The following BPTF variants were observed in gnomAD, a reference collection of about 807,000 sequenced individuals.
The protein encoded by BPTF is nucleosome-remodeling factor subunit BPTF.
In BPTF, 18 loss-of-function variants were observed where a neutral mutation model predicts 292.5. The observed-to-expected ratio is 0.06, with a 90% CI of 0.04 to 0.09. The LOEUF (loss-of-function observed/expected upper bound fraction) is 0.09, where lower values mean the gene tolerates loss of function less well. BPTF is among the 10% of genes least tolerant of loss of function. BPTF has a pLI of 1.00. For synonymous variants in BPTF, 1,225 were observed against 1,251.9 expected, an observed-to-expected ratio of 0.98 and a Z score of 0.45; for missense variants, 2,726 against 3,498.7, an observed-to-expected ratio of 0.78 and a Z score of 5.57.
intron 2 of BPTF, among the ~76,000 whole-genome samples, chr17:67,865,825 C>G (rs1232701729): frequency 6.6e-6 from 1 of 152,180 alleles, no homozygotes; most frequent in African/African-American, 2.4e-5. Context: ...GGAGAGGAAG[C>G]TCCTCTTCTC....
rs1203186133 is a variant in BPTF, at chr17:67,911,285, A to G, written c.3401A>G (p.Glu1134Gly). Residue 1134 changes from glutamate (E) to glycine (G), a missense_variant, in exon 11 of 28, where the codon GAG becomes GGG. Around this residue, in one of 22 missense-constraint regions of BPTF, gnomAD observed 713 missense variants for 714.9 expected, o/e 1.00. Transcript: ENST00000306378. The stretch of plus-strand genomic sequence containing the variant: ...CCAAATGCAAATAATGATCAACCTG[A>G]GGACTTGATTCAGGGATGTTCAGAA... ...QSPNANNDQP[E>G]DLIQGCSESD... 6.2e-7 allele frequency: 1 copy of G among 1,614,132 alleles called. No homozygotes were observed. Among genetic ancestry groups the G allele is most frequent in the South Asian group, 1.1e-5 (1 of 91,082 alleles).
intron 1 of BPTF, among the ~76,000 whole-genome samples, chr17:67,850,667 C>T (rs2058338715): frequency 6.6e-6 from 1 of 152,026 alleles, no homozygotes; most frequent in Non-Finnish European, 1.5e-5. Flanking sequence ...GTACCTGGCC[C>T]TGTGTTTTTG....
Position 67,983,721 on chromosome 17 carries a change from G to A in BPTF, c.*1433G>A, listed in dbSNP as rs1555697927. 2 of 152,552 alleles carry A rather than the reference G, an allele frequency of 1.3e-5. No individual in the cohort carries two copies. Among genetic ancestry groups the A allele is most frequent in the African/African-American group, 4.8e-5 (2 of 41,438 alleles). 9.4% of individuals were successfully genotyped at this position (152,552 alleles called of 1,614,324 possible). On this transcript the variant is annotated 3_prime_UTR_variant, in exon 28 of 28. Coordinates refer to ENST00000306378, the MANE Select transcript of BPTF (RefSeq NM_182641.4). The stretch of plus-strand genomic sequence containing the variant: ...TGCAGCTTTGCAAAAATTTTTACTA[G>A]ATTTTGCACTAACTCATATTAGCTT...
intron 23 of BPTF, 51 bp downstream of exon 23, chr17:67,948,357 T>C: frequency 6.8e-7 from 1 of 1,480,362 alleles, no homozygotes; most frequent in Non-Finnish European, 9.1e-7. Context: ...CATCTGAGGT[T>C]CTGCTTTTTT....
At chr17:67,972,925 C>T (rs2068925999) in intron 26 of BPTF, among the ~76,000 whole-genome samples, 1 of 151,438 alleles carries the variant, frequency 6.6e-6, no homozygotes, top group Non-Finnish European at 1.5e-5. Context: ...TCTTGGAATC[C>T]AACTCTGTGT....
In BPTF at chr17:67,947,773, G is replaced by C. The variant is rs750327227; in HGVS notation, c.7665G>C (p.Lys2555Asn). 6.4e-7 allele frequency: 1 copy of C among 1,553,982 alleles called. No homozygotes were observed. Among genetic ancestry groups the C allele is most frequent in the Non-Finnish European group, 8.7e-7 (1 of 1,148,002 alleles). ...NAVIEHLKQK[K>N]SMTPAEREEN... is the part of the protein sequence containing the mutation. Reference sequence around the variant, plus strand: ...TAATAGAACATTTAAAACAGAAAAAGAGCATGACTCCAGCTGAAAGAGAAG... The same window carrying C: ...TAATAGAACATTTAAAACAGAAAAACAGCATGACTCCAGCTGAAAGAGAAG... The change falls in exon 22 of 28, where the codon AAG becomes AAC. Residue 2555 changes from lysine to asparagine, a missense_variant. Lys to Asn is a moderately conservative substitution (Grantham distance 94, BLOSUM62 0). Transcript: ENST00000306378.
At chr17:67,843,865 A>C (rs1308656748) in intron 1 of BPTF, among the ~76,000 whole-genome samples, 2 of 143,358 alleles carry the variant, frequency 1.4e-5, no homozygotes. Context: ...TCCTGGGTTC[A>C]AGTGATTCTC....
Position 67,959,737 on chromosome 17 carries a change from C to T in BPTF, c.8123C>T (p.Ser2708Phe). The T allele has an allele frequency of 6.2e-7, 1 of 1,613,920 alleles. No individual in the cohort carries two copies. The change falls in exon 24 of 28, where the codon TCC (serine) becomes TTC (phenylalanine). Residue 2708 changes from serine to phenylalanine, a missense_variant. Coordinates refer to ENST00000306378, the MANE Select transcript of BPTF (RefSeq NM_182641.4). ...TCCACGCCCACCTTACCTGCTGCTT[C>T]CCAGAAGAGGAAGCGGGAAGAGGAA... ...LLSTPTLPAASQKRKREEEKD... is the reference protein window; with the variant it reads ...LLSTPTLPAAFQKRKREEEKD...
At chr17:67,976,756 A>C (rs757954448) in intron 27 of BPTF, among the ~76,000 whole-genome samples, 1 of 150,940 alleles carries the variant, frequency 6.6e-6, no homozygotes, top group East Asian at 2.0e-4. Context: ...TGATTGTCAC[A>C]GGACTTTAAA....
chr17:67,879,145 T>TC (rs1431398952), intron 4 of BPTF, among the ~76,000 whole-genome samples: 1 of 138,458 alleles, frequency 7.2e-6, no homozygotes, highest in African/African-American at 2.5e-5. Context: ...TCTTTTTTTT[T>TC]TTTTTTTTCT....
chr17:67,928,339 T>G lies in BPTF; in HGVS notation c.5752-16T>G. ...GAACTATTTTGATTCATGTTTCCTCTCCTTCACTTTTTTAGAAACGACTGG... is the reference window on the plus strand; with the variant it reads ...GAACTATTTTGATTCATGTTTCCTCGCCTTCACTTTTTTAGAAACGACTGG... On this transcript the variant is annotated splice_polypyrimidine_tract_variant and intron_variant, in intron 15 of 27. Transcript: ENST00000306378. The G allele has an allele frequency of 3.8e-6, 6 of 1,591,356 alleles. No individual in the cohort carries two copies. The highest frequency in any genetic ancestry group is 5.1e-6 in the Non-Finnish European group (6 of 1,169,130).
At chr17:67,904,007 G>T in intron 8 of BPTF, 89 bp downstream of exon 8, 5 of 1,120,604 alleles carry the variant, frequency 4.5e-6, no homozygotes, top group Non-Finnish European at 6.4e-6. Context: ...TTTTATTTTT[G>T]ACATAGTCTT....
chr17:67,923,724 C>T (rs2063632419), intron 14 of BPTF, among the ~76,000 whole-genome samples: 2 of 151,792 alleles, frequency 1.3e-5, no homozygotes, highest in Non-Finnish European at 2.9e-5. Flanking sequence ...GGGTAATCCA[C>T]CTGCCTCAGC....
At position 67,904,734 on chromosome 17, in the gene BPTF, G is replaced by A; in HGVS notation, c.2706G>A (p.Val902=). ...AACAAAAAGGTGAAGAGTACAGAGTGACAGGATATGGTGGTTGGAGCTGGA... is the reference window on the plus strand; with the variant it reads ...AACAAAAAGGTGAAGAGTACAGAGTAACAGGATATGGTGGTTGGAGCTGGA... ...VWKQKGEEYR[V]TGYGGWSWIS... is the part of the protein sequence containing the mutation. The change falls in exon 9 of 28, where the codon GTG becomes GTA. Residue 902 remains valine, a synonymous_variant. Coordinates refer to ENST00000306378, the MANE Select transcript of BPTF (RefSeq NM_182641.4). The A allele has an allele frequency of 6.2e-7, 1 of 1,613,164 alleles. No homozygotes were observed. Among genetic ancestry groups the A allele is most frequent in the Non-Finnish European group, 8.5e-7 (1 of 1,179,334 alleles).
At chr17:67,866,721 A>G (rs778892012) in intron 3 of BPTF, 34 bp downstream of exon 3, 2 of 1,551,876 alleles carry the variant, frequency 1.3e-6, no homozygotes, top group East Asian at 2.2e-5. Context: ...TATTTTTGTT[A>G]AGTCTGAGCT....
intron 18 of BPTF, among the ~76,000 whole-genome samples, chr17:67,936,290 T>A (rs1428094407): frequency 6.6e-6 from 1 of 152,198 alleles, no homozygotes; most frequent in Non-Finnish European, 1.5e-5. Context: ...ATTATTTCAG[T>A]TAATGCTGCA....
chr17:67,896,355 C>T lies in BPTF; in HGVS notation c.2543+2190C>T, dbSNP rs1434670638. Among the ~76,000 whole-genome samples, 8 of 152,180 alleles carry T rather than the reference C, an allele frequency of 5.3e-5. No homozygotes were observed. In the East Asian group the frequency reaches 9.6e-4, roughly 18 times the overall value. On this transcript the variant is annotated intron_variant, in intron 7 of 27. Transcript: ENST00000306378. ...AGCAACAAGTGTCGAGATTGAATCT[C>T]GTAAGTTTACAATAGAAGGAAAACA... is the stretch of plus-strand genomic sequence containing the variant.
Position 67,912,634 on chromosome 17 carries a change from G to A in BPTF, c.4750G>A (p.Val1584Ile), listed in dbSNP as rs201199224. ...NVNGESKRKT[V>I]ITEVTTMTST... ...CAATGGAGAATCTAAAAGAAAAACCGTCATCACAGAAGTCACCACGATGAC... is the reference window on the plus strand; with the variant it reads ...CAATGGAGAATCTAAAAGAAAAACCATCATCACAGAAGTCACCACGATGAC... The change falls in exon 11 of 28, where the codon GTC becomes ATC. Residue 1584 changes from valine (V) to isoleucine (I), a missense_variant. Physicochemically the swap from Val to Ile is conservative, Grantham distance 29 (BLOSUM62 3). Transcript: ENST00000306378. 35 of 1,613,198 alleles carry A rather than the reference G, an allele frequency of 2.2e-5. No individual in the cohort carries two copies. The highest frequency in any genetic ancestry group is 1.7e-4 in the Middle Eastern group (1 of 6,060).
At chr17:67,891,789 G>T in intron 4 of BPTF, 55 bp from the exon 5 acceptor site, 4 of 1,374,906 alleles carry the variant, frequency 2.9e-6, no homozygotes, top group Non-Finnish European at 3.9e-6. Flanking sequence ...AAATAAGGTG[G>T]TTATAATTAT....
Sources: gnomAD v4.1 joint callset for allele counts (sites outside exome capture counted in the v4.1 genomes callset) on GRCh38, gnomAD v4.1.1 for gene constraint, gnomAD v4.1.1 regional missense constraint, MANE v1.5 for transcripts, NCBI Gene and HGNC (gene_info 2026-07-23, HGNC 2026-07-21) for gene names.